Variants in SRBD1 observed in about 807,000 individuals in gnomAD.
SRBD1 encodes S1 RNA-binding domain-containing protein 1.
In SRBD1, 88 loss-of-function variants were observed where a neutral mutation model predicts 115.3. The ratio of observed to expected loss-of-function variants is 0.76; its 90% confidence interval spans 0.64 to 0.91. The LOEUF (loss-of-function observed/expected upper bound fraction) is 0.91. Among genes scored for constraint, SRBD1 ranks in the 40% least tolerant of loss-of-function variants. SRBD1 has a pLI of 0.00. For synonymous variants in SRBD1, 509 were observed against 407.7 expected (o/e 1.25, Z -2.99); for missense variants, 1,385 against 1,177.4 (o/e 1.18, Z -2.58).
At chr2:45,487,550 T>G (rs997788990) in intron 15 of SRBD1, among the ~76,000 whole-genome samples, 1 of 152,196 alleles carries the variant, frequency 6.6e-6, no homozygotes, top group South Asian at 2.1e-4. Flanking sequence ...AAATTTGTAT[T>G]ACAAATATTT....
At chr2:45,434,762 AT>A (rs943800277) in intron 16 of SRBD1, among the ~76,000 whole-genome samples, 193 of 147,172 alleles carry the variant, frequency 1.3e-3, no homozygotes, top group South Asian at 7.9e-3. Context: ...GCCTATTTGC[AT>A]TTTTTTTCTT....
At chr2:45,501,396 T>G (rs1021940191) in intron 14 of SRBD1, among the ~76,000 whole-genome samples, 1 of 152,212 alleles carries the variant, frequency 6.6e-6, no homozygotes, top group African/African-American at 2.4e-5. Context: ...ACACGGGTGA[T>G]TTCTGCATTT....
intron 6 of SRBD1, among the ~76,000 whole-genome samples, chr2:45,580,511 A>ATTTTTTTTTTTTTTTTTTTTTT (rs1227093467): frequency 1.2e-5 from 1 of 85,804 alleles, no homozygotes. Context: ...ACGTCCAGCT[A>ATTTTTTTTTTTTTTTTTTTTTT]TTTTTTTTTT....
intron 16 of SRBD1, among the ~76,000 whole-genome samples, chr2:45,456,162 G>A (rs923235445): frequency 6.6e-6 from 1 of 151,744 alleles, no homozygotes; most frequent in Non-Finnish European, 1.5e-5. Flanking sequence ...AAAGACTTCT[G>A]CTTATTTCAT....
Position 45,412,016 on chromosome 2 carries a change from C to T in SRBD1, c.2513+1098G>A, listed in dbSNP as rs80333434. Among the ~76,000 whole-genome samples, 1,468 of 151,982 alleles carry T rather than the reference C, an allele frequency of 9.7e-3. 22 individuals are homozygous for T. The highest frequency in any genetic ancestry group is 0.033 in the African/African-American group (1,379 of 41,450). On this transcript the variant is annotated intron_variant, in intron 19 of 20. Coordinates refer to ENST00000263736, the MANE Select transcript of SRBD1 (RefSeq NM_018079.5). Reference sequence around the variant, plus strand: ...TAACCCCAGCTACTTAGGAGGTTGACGCGCAAGAATCACTTGAACCCAGGA... The same window carrying T: ...TAACCCCAGCTACTTAGGAGGTTGATGCGCAAGAATCACTTGAACCCAGGA...
intron 15 of SRBD1, among the ~76,000 whole-genome samples, chr2:45,487,220 AG>A (rs1659295639): frequency 6.6e-6 from 1 of 152,242 alleles, no homozygotes; most frequent in African/African-American, 2.4e-5. Context: ...AGAATATTTA[AG>A]GAAAAAATTA....
chr2:45,556,980 C>T (rs1193588954), intron 10 of SRBD1, among the ~76,000 whole-genome samples: 1 of 151,504 alleles, frequency 6.6e-6, no homozygotes, highest in Admixed American at 6.6e-5. Flanking sequence ...AAAGACTTCC[C>T]AAAAGAAACA....
chr2:45,551,002 T>A, intron 12 of SRBD1, 123 bp downstream of exon 12: 1 of 1,157,094 alleles, frequency 8.6e-7, no homozygotes, highest in Non-Finnish European at 1.2e-6. Context: ...CACCCCTGTA[T>A]GTGAGAAAAC....
chr2:45,418,452 T>C lies in SRBD1; in HGVS notation c.2246A>G (p.Lys749Arg). Reference sequence around the variant, plus strand: ...TTTTGGGCCCAGCCCTTTCACTTTCTTCAGCTGTTCTCGGTTGATAAAGGG... The same window carrying C: ...TTTTGGGCCCAGCCCTTTCACTTTCCTCAGCTGTTCTCGGTTGATAAAGGG... ...NGPFINREQL[K>R]KVKGLGPKSF... Residue 749 changes from lysine to arginine, a missense_variant, in exon 18 of 21, where the codon AAG (lysine) becomes AGG (arginine). By Grantham distance (26) the Lys-to-Arg change is conservative. Transcript: ENST00000263736. The C allele has an allele frequency of 6.2e-7, 1 of 1,614,068 alleles. No individual in the cohort carries two copies. Among genetic ancestry groups the C allele is most frequent in the Non-Finnish European group, 8.5e-7 (1 of 1,179,984 alleles).
chr2:45,464,108 T>C (rs1441073782), intron 16 of SRBD1, among the ~76,000 whole-genome samples: 4 of 152,030 alleles, frequency 2.6e-5, no homozygotes, highest in African/African-American at 9.7e-5. Flanking sequence ...GAACAGAATA[T>C]GCCTTGCAGA....
chr2:45,409,515 C>CAAAAAAAAA (rs59849294), intron 19 of SRBD1, among the ~76,000 whole-genome samples: 4 of 117,898 alleles, frequency 3.4e-5, no homozygotes, highest in Admixed American at 8.5e-5. Context: ...TTGCAATAGG[C>CAAAAAAAAA]AAAAAAAAAA....
chr2:45,604,394 A>AAGGGGGGGGGGG (rs1674198722), intron 2 of SRBD1, among the ~76,000 whole-genome samples: 1 of 141,070 alleles, frequency 7.1e-6, no homozygotes, highest in African/African-American at 2.8e-5. Flanking sequence ...AGGGGGGTGG[A>AAGGGGGGGGGGG]GGAAGGGGAG....
chr2:45,476,909 C>T, intron 16 of SRBD1, 84 bp downstream of exon 16: 2 of 1,269,596 alleles, frequency 1.6e-6, no homozygotes, highest in South Asian at 1.2e-5. Flanking sequence ...TCTACTCCCA[C>T]AGACACTTAA....
intron 4 of SRBD1, among the ~76,000 whole-genome samples, chr2:45,587,037 AT>A (rs1328439824): frequency 7.8e-5 from 4 of 51,164 alleles, no homozygotes; most frequent in African/African-American, 2.0e-4. Flanking sequence ...ATATTTAAAA[AT>A]TTTTAAATAT....
chr2:45,596,950 A>ACACACC (rs1411506377), intron 4 of SRBD1, among the ~76,000 whole-genome samples: 169 of 145,738 alleles, frequency 1.2e-3, no homozygotes, highest in African/African-American at 2.5e-3. Context: ...ACACACACAC[A>ACACACC]CCCACAACCC....
intron 14 of SRBD1, among the ~76,000 whole-genome samples, chr2:45,506,289 G>C (rs1325009721): frequency 2.0e-5 from 3 of 152,104 alleles, no homozygotes; most frequent in African/African-American, 7.2e-5. Flanking sequence ...TACACAAAGG[G>C]ATCACTGGGA....
Position 45,425,053 on chromosome 2 carries a change from G to GT in SRBD1, c.2050-5160dup, listed in dbSNP as rs375266622. Among the ~76,000 whole-genome samples the GT allele has an allele frequency of 1.1e-3, 164 of 152,276 alleles. 1 individual carries two copies. The highest frequency in any genetic ancestry group is 3.9e-3 in the African/African-American group (160 of 41,536). ...TTGAGCTTCTGAATTAACGAGTTCT[G>GT]TACTTAGCCCCCCTGAGCATCCTGT... On this transcript the variant is annotated intron_variant, in intron 16 of 20. Coordinates refer to ENST00000263736, the MANE Select transcript of SRBD1 (RefSeq NM_018079.5).
chr2:45,494,512 T>C (rs754811855), intron 14 of SRBD1, among the ~76,000 whole-genome samples: 15 of 152,164 alleles, frequency 9.9e-5, no homozygotes, highest in East Asian at 5.8e-4. Flanking sequence ...AAAAGAAAGA[T>C]AGCTAAGCAG....
chr2:45,535,725 C>T (rs1671744506), intron 14 of SRBD1, among the ~76,000 whole-genome samples: 1 of 151,864 alleles, frequency 6.6e-6, no homozygotes, highest in Non-Finnish European at 1.5e-5. Context: ...TTTTCAGCCC[C>T]CCAAATCATC....
Sources: gnomAD v4.1 joint callset for allele counts (sites outside exome capture counted in the v4.1 genomes callset) on GRCh38, gnomAD v4.1.1 for gene constraint, MANE v1.5 for transcripts, NCBI Gene and HGNC (gene_info 2026-07-23, HGNC 2026-07-21) for gene names.